The following STX18 variants were observed in gnomAD, a reference collection of about 807,000 sequenced individuals.
STX18 encodes syntaxin 18, also known as syntaxin-18.
In STX18, 40 loss-of-function variants were observed where a neutral mutation model predicts 50.1. That is an observed-to-expected ratio of 0.80 (90% CI 0.62 to 1.04). The LOEUF (loss-of-function observed/expected upper bound fraction) is 1.04, where lower values mean the gene tolerates loss of function less well. Among genes scored for constraint, STX18 ranks in the 50% least tolerant of loss-of-function variants. The probability of loss-of-function intolerance (pLI) is 0.00; values close to 1 mark genes in which losing one functional copy is unlikely to be tolerated. For synonymous variants in STX18, 158 were observed against 151.8 expected, an observed-to-expected ratio of 1.04 and a Z score of -0.30; for missense variants, 410 against 415.8, an observed-to-expected ratio of 0.99 and a Z score of 0.12.
Position 4,459,349 on chromosome 4 carries a change from T to A in STX18, c.352+23A>T, listed in dbSNP as rs540414133. The A allele has an allele frequency of 1.9e-6, 3 of 1,570,240 alleles. No individual in the cohort carries two copies. The African/African-American group carries it at 4.1e-5, about 21-fold the overall frequency. On this transcript the variant is annotated intron_variant, in intron 3 of 10. Coordinates refer to ENST00000306200, the MANE Select transcript of STX18 (RefSeq NM_016930.4). ...ACTTGCTATATTCATGGTTGCTTGT[T>A]TGCATCTTTCAGAGCACTTTACCTT... is the stretch of plus-strand genomic sequence containing the variant.
intron 1 of STX18, among the ~76,000 whole-genome samples, chr4:4,513,369 C>T (rs911943929): frequency 2.6e-5 from 4 of 152,128 alleles, no homozygotes; most frequent in African/African-American, 9.7e-5. Context: ...ACAGCTTTAT[C>T]CCAGAAGCAG....
At chr4:4,486,701 T>C (rs902214627) in intron 1 of STX18, among the ~76,000 whole-genome samples, 1 of 152,232 alleles carries the variant, frequency 6.6e-6, no homozygotes, top group Non-Finnish European at 1.5e-5. Flanking sequence ...ATTCTTAACT[T>C]TTCCTTGCTC....
chr4:4,530,780 AT>A (rs1379421818), intron 1 of STX18, among the ~76,000 whole-genome samples: 2 of 151,782 alleles, frequency 1.3e-5, no homozygotes, highest in African/African-American at 4.8e-5. Context: ...TAATTTTTGT[AT>A]TTTTTTATAG....
At chr4:4,518,077 T>A (rs562996425) in intron 1 of STX18, among the ~76,000 whole-genome samples, 3 of 152,212 alleles carry the variant, frequency 2.0e-5, no homozygotes, top group Non-Finnish European at 4.4e-5. Context: ...CCGGCCTATA[T>A]GTGTTCTTAT....
At chr4:4,465,508 G>A (rs1413535552) in intron 2 of STX18, among the ~76,000 whole-genome samples, 1 of 152,198 alleles carries the variant, frequency 6.6e-6, no homozygotes, top group East Asian at 1.9e-4. Flanking sequence ...CGTAAGAACA[G>A]AAAACCAAAT....
At chr4:4,460,096 C>T (rs184305543) in intron 2 of STX18, among the ~76,000 whole-genome samples, 44 of 152,216 alleles carry the variant, frequency 2.9e-4, no homozygotes, top group Non-Finnish European at 5.0e-4. Flanking sequence ...CTTCCTTCCC[C>T]GTAAAGATAC....
chr4:4,438,474 CTT>C lies in STX18; in HGVS notation c.531_532del (p.Glu179IlefsTer5). 1 of 1,613,684 alleles carries C rather than the reference CTT, an allele frequency of 6.2e-7. No homozygotes were observed. Among genetic ancestry groups the C allele is most frequent in the South Asian group, 1.1e-5 (1 of 91,036 alleles). On this transcript the variant is annotated frameshift_variant, in exon 6 of 11. Coordinates refer to ENST00000306200, the MANE Select transcript of STX18 (RefSeq NM_016930.4). LOFTEE classifies it high-confidence loss of function. ...AACTTTCTCAGAAGATGTGGATTCT[CTT>C]GTCTTTGTATTTGGTTCTGGTTCCA...
At chr4:4,434,944 G>T (rs879506654) in intron 6 of STX18, 86 bp from the exon 7 acceptor site, 155 of 875,396 alleles carry the variant, frequency 1.8e-4, no homozygotes, top group Non-Finnish European at 2.6e-4. Context: ...ACAAACAAGA[G>T]ATTAAACAGA....
chr4:4,500,618 G>C (rs1729405513), intron 1 of STX18, among the ~76,000 whole-genome samples: 2 of 152,188 alleles, frequency 1.3e-5, no homozygotes, highest in Non-Finnish European at 1.5e-5. Flanking sequence ...CCTCATATAA[G>C]TTAAACCATA....
At chr4:4,505,031 A>G (rs1729634955) in intron 1 of STX18, among the ~76,000 whole-genome samples, 1 of 152,054 alleles carries the variant, frequency 6.6e-6, no homozygotes, top group South Asian at 2.1e-4. Flanking sequence ...GTTTTAGAAC[A>G]TTTTCATCAC....
At chr4:4,494,181 G>T (rs562065898) in intron 1 of STX18, among the ~76,000 whole-genome samples, 67 of 152,260 alleles carry the variant, frequency 4.4e-4, no homozygotes, top group African/African-American at 1.6e-3. Context: ...AACTGATAAT[G>T]ATCACAGCAC....
intron 1 of STX18, among the ~76,000 whole-genome samples, chr4:4,524,139 G>T (rs1197594845): frequency 6.6e-6 from 1 of 152,132 alleles, no homozygotes; most frequent in Non-Finnish European, 1.5e-5. Flanking sequence ...GCATATAGTT[G>T]GTGCTTAACA....
rs137889789 is a variant in STX18 at position 4,534,816 on chromosome 4, A to T, written c.168+6981T>A. ...CAGGCTATCGCTCTGCTGCTACAGC[A>T]TGAAAGCATTCTTGGCCTATATTTA... On this transcript the variant is annotated intron_variant, in intron 1 of 10. Coordinates refer to ENST00000306200, the MANE Select transcript of STX18 (RefSeq NM_016930.4). Among the ~76,000 whole-genome samples, 150 of 152,408 alleles carry T rather than the reference A, an allele frequency of 9.8e-4. 1 individual carries two copies. Among genetic ancestry groups the T allele is most frequent in the Admixed American group, 2.2e-3 (34 of 15,312 alleles).
chr4:4,538,321 G>A (rs1731435337), intron 1 of STX18, among the ~76,000 whole-genome samples: 1 of 152,108 alleles, frequency 6.6e-6, no homozygotes, highest in Non-Finnish European at 1.5e-5. Context: ...AGTAAAAGCT[G>A]CATACCTGCC....
chr4:4,486,894 G>A (rs1728722859), intron 1 of STX18, among the ~76,000 whole-genome samples: 1 of 152,190 alleles, frequency 6.6e-6, no homozygotes, highest in East Asian at 1.9e-4. Flanking sequence ...TTTCTCCAGT[G>A]GCCTTACACA....
chr4:4,435,863 C>T (rs545704714), intron 6 of STX18, among the ~76,000 whole-genome samples: 1 of 152,252 alleles, frequency 6.6e-6, no homozygotes. Context: ...ACTGCTGCCG[C>T]CCAGGATGAC....
chr4:4,430,720 T>C (rs1318559220), intron 7 of STX18, among the ~76,000 whole-genome samples: 1 of 152,178 alleles, frequency 6.6e-6, no homozygotes, highest in Non-Finnish European at 1.5e-5. Flanking sequence ...CATGCCACAA[T>C]GCACAGACAT....
intron 7 of STX18, among the ~76,000 whole-genome samples, chr4:4,433,632 C>T (rs10017110): frequency 0.18 from 27,119 of 151,296 alleles, 2,647 homozygotes; most frequent in African/African-American, 0.26. Flanking sequence ...GTGCTCTATG[C>T]GGGAAATCAA....
intron 5 of STX18, among the ~76,000 whole-genome samples, chr4:4,438,741 G>A (rs1007851066): frequency 3.9e-5 from 6 of 151,900 alleles, no homozygotes; most frequent in African/African-American, 1.5e-4. Flanking sequence ...TTGCAGCCAC[G>A]GCACAGTGAC....
Sources: gnomAD v4.1 joint callset for allele counts (sites outside exome capture counted in the v4.1 genomes callset) on GRCh38, gnomAD v4.1.1 for gene constraint, MANE v1.5 for transcripts, NCBI Gene and HGNC (gene_info 2026-07-23, HGNC 2026-07-21) for gene names.